The following MTCL3 variants were observed in gnomAD, a reference collection of about 807,000 sequenced individuals.
MTCL3 encodes microtubule cross-linking factor 3.
chr6:127,490,467 G>T, the MTCL3 span, among the ~76,000 whole-genome samples: 1 of 151,872 alleles, frequency 6.6e-6, no homozygotes, highest in Non-Finnish European at 1.5e-5. Flanking sequence ...TGATGAATCT[G>T]GACAAAGTAA....
chr6:127,504,687 C>T, the MTCL3 span, among the ~76,000 whole-genome samples: 8 of 152,104 alleles, frequency 5.3e-5, no homozygotes, highest in African/African-American at 1.7e-4. Context: ...GTCTTTTCTG[C>T]ATGAGGTTGA....
At chr6:127,515,297 C>CG in the MTCL3 span, among the ~76,000 whole-genome samples, 1 of 152,118 alleles carries the variant, frequency 6.6e-6, no homozygotes, top group African/African-American at 2.4e-5. This position sits in a 1 kb window ranked among gnomAD's most constrained non-coding sequence, Gnocchi z 4.3. Flanking sequence ...ATTAGAGAAA[C>CG]GGAGGCCCAG....
At chr6:127,478,685 A>G in the MTCL3 span, among the ~76,000 whole-genome samples, 4 of 152,172 alleles carry the variant, frequency 2.6e-5, no homozygotes, top group South Asian at 2.1e-4. Flanking sequence ...TGAACCTATC[A>G]TAATGGTCAC....
the MTCL3 span, among the ~76,000 whole-genome samples, chr6:127,490,748 C>T: frequency 2.0e-5 from 3 of 152,082 alleles, no homozygotes; most frequent in Admixed American, 2.0e-4. Flanking sequence ...ACCCGGGATG[C>T]AGAGGTTGCA....
the MTCL3 span, chr6:127,516,026 G>A: frequency 6.3e-7 from 1 of 1,578,486 alleles, no homozygotes; most frequent in Non-Finnish European, 8.6e-7. Flanking sequence ...CCTTTCCCTC[G>A]CCAGCCCCTG....
the MTCL3 span, among the ~76,000 whole-genome samples, chr6:127,502,898 G>T: frequency 6.6e-6 from 1 of 152,192 alleles, no homozygotes; most frequent in African/African-American, 2.4e-5. Flanking sequence ...TTTGTAAAAA[G>T]TGAGATAGAA....
the MTCL3 span, among the ~76,000 whole-genome samples, chr6:127,492,037 T>C: frequency 6.6e-6 from 1 of 152,178 alleles, no homozygotes; most frequent in Non-Finnish European, 1.5e-5. Context: ...GCTCACTCTC[T>C]CTTGGAAATC....
At chr6:127,492,533 A>C in the MTCL3 span, among the ~76,000 whole-genome samples, 1 of 151,826 alleles carries the variant, frequency 6.6e-6, no homozygotes, top group Non-Finnish European at 1.5e-5. Context: ...GAAATTTTTT[A>C]TTTTTAAGAC....
the MTCL3 span, among the ~76,000 whole-genome samples, chr6:127,483,552 C>T: frequency 6.6e-6 from 1 of 152,142 alleles, no homozygotes. Context: ...ACAGGTGGAC[C>T]AGCCACAGCT....
chr6:127,491,713 T>C, the MTCL3 span, among the ~76,000 whole-genome samples: 11 of 151,652 alleles, frequency 7.3e-5, no homozygotes, highest in Non-Finnish European at 4.4e-5. Context: ...TCTACAAAAA[T>C]TTTTTAAAAG....
chr6:127,513,726 G>A, the MTCL3 span, among the ~76,000 whole-genome samples: 2 of 152,144 alleles, frequency 1.3e-5, no homozygotes, highest in South Asian at 4.1e-4. Flanking sequence ...TTGTGATTTT[G>A]GACTGAGTGG....
At chr6:127,496,206 GT>G in the MTCL3 span, among the ~76,000 whole-genome samples, 5 of 152,150 alleles carry the variant, frequency 3.3e-5, no homozygotes, top group Admixed American at 1.3e-4. Flanking sequence ...ATTTCCTAAA[GT>G]AATATTTTTT....
the MTCL3 span, among the ~76,000 whole-genome samples, chr6:127,510,716 CA>C: frequency 6.6e-6 from 1 of 152,162 alleles, no homozygotes; most frequent in Non-Finnish European, 1.5e-5. Flanking sequence ...TGAGAGAGCA[CA>C]AGTAACGTAT....
the MTCL3 span, among the ~76,000 whole-genome samples, chr6:127,507,649 C>G: frequency 6.6e-5 from 10 of 151,912 alleles, no homozygotes; most frequent in South Asian, 2.1e-4. Context: ...TGAGACCATC[C>G]TGGCTAACAC....
At chr6:127,495,145 C>A in the MTCL3 span, among the ~76,000 whole-genome samples, 1 of 150,136 alleles carries the variant, frequency 6.7e-6, no homozygotes, top group South Asian at 2.1e-4. Context: ...TGCAGTGAGC[C>A]AAGATCAAGC....
At chr6:127,500,958 C>T in the MTCL3 span, among the ~76,000 whole-genome samples, 158 of 152,200 alleles carry the variant, frequency 1.0e-3, no homozygotes, top group South Asian at 8.3e-3. Context: ...ATTACAGGCA[C>T]GTGCCATCAC....
At chr6:127,515,642 T>TGCCCTCTGCGCTCTGCTGGGG in the MTCL3 span, 2 of 1,440,698 alleles carry the variant, frequency 1.4e-6, no homozygotes, top group Non-Finnish European at 1.8e-6. The surrounding 1 kb of genome is among the most constrained non-coding windows in gnomAD (Gnocchi z 4.3). Flanking sequence ...CCGCTCGCGC[T>TGCCCTCTGCGCTCTGCTGGGG]GCCCTCTGCG....
At chr6:127,478,110 G>A in the MTCL3 span, among the ~76,000 whole-genome samples, 1 of 152,210 alleles carries the variant, frequency 6.6e-6, no homozygotes, top group African/African-American at 2.4e-5. Flanking sequence ...AAGAGGGCAT[G>A]TCATGGAAAG....
the MTCL3 span, among the ~76,000 whole-genome samples, chr6:127,513,564 TC>T: frequency 6.6e-6 from 1 of 152,238 alleles, no homozygotes; most frequent in Non-Finnish European, 1.5e-5. Context: ...TAGCTTGAAT[TC>T]CAGTTGCTTA....
Sources: allele counts gnomAD v4.1 joint callset (sites outside exome capture counted in the v4.1 genomes callset), GRCh38; gene constraint gnomAD v4.1.1; non-coding constraint Gnocchi (gnomAD v3.1); transcripts MANE v1.5; gene names NCBI Gene and HGNC (gene_info 2026-07-23, HGNC 2026-07-21).